Variants in FREM1 observed in about 807,000 individuals in gnomAD.
FREM1 encodes FRAS1-related extracellular matrix protein 1.
FREM1 carries 220 observed loss-of-function variants against 210.1 expected under a neutral mutation model. The observed-to-expected ratio is 1.05, with a 90% CI of 0.94 to 1.17. FREM1 has a LOEUF of 1.17. FREM1 is among the 50% of genes most tolerant of loss of function. FREM1 has a pLI of 0.00. For synonymous variants in FREM1, 1,189 were observed against 980.2 expected (o/e 1.21, Z -3.98); for missense variants, 3,454 against 2,675.5 (o/e 1.29, Z -6.42).
chr9:14,761,128 C>T (rs752533334), intron 27 of FREM1, among the ~76,000 whole-genome samples: 9 of 152,074 alleles, frequency 5.9e-5, no homozygotes, highest in Non-Finnish European at 1.0e-4. Flanking sequence ...CATGTGTTCA[C>T]ATATTTCACA....
Position 14,842,535 on chromosome 9 carries a change from G to T in FREM1, c.1519C>A (p.Arg507Ser), listed in dbSNP as rs369488195. ...AAGACGTTGATGGGGAATTTGTGAC[G>T]GATGCTGTGATGGCCATCAAATATC... The part of the protein sequence containing the change: ...FRIFDGHHSI[R>S]HKFPINVLPK... Residue 507 changes from arginine to serine, a missense_variant, in exon 9 of 37, where the codon CGT (arginine) becomes AGT (serine). Transcript: ENST00000380880. 6.2e-7 allele frequency: 1 copy of T among 1,613,942 alleles called. No individual in the cohort carries two copies. Among genetic ancestry groups the T allele is most frequent in the Non-Finnish European group, 8.5e-7 (1 of 1,179,830 alleles).
chr9:14,847,622 T>C (rs1229486029), intron 7 of FREM1, among the ~76,000 whole-genome samples: 6 of 152,150 alleles, frequency 3.9e-5, no homozygotes, highest in Non-Finnish European at 8.8e-5. Context: ...ATTGGTTATA[T>C]CTTCACGGCG....
chr9:14,808,102 T>C lies in FREM1; in HGVS notation c.2926A>G (p.Thr976Ala). ...CCATCCGAAACCACCAATGTAATGG[T>C]GTCAAAACAAGGCATCAGGCCAATC... Reference protein sequence around the residue: ...GEIGLMPCFDTITLVVSDGEA... With the variant: ...GEIGLMPCFDAITLVVSDGEA... The change falls in exon 17 of 37, where the codon ACC becomes GCC. Residue 976 changes from threonine to alanine, a missense_variant. Physicochemically the swap from Thr to Ala is moderately conservative, Grantham distance 58. Transcript: ENST00000380880. 1 of 1,610,524 alleles carries C rather than the reference T, an allele frequency of 6.2e-7. No individual in the cohort carries two copies. Among genetic ancestry groups the C allele is most frequent in the Non-Finnish European group, 8.5e-7 (1 of 1,177,966 alleles).
chr9:14,798,952 G>A (rs932256554), intron 20 of FREM1, among the ~76,000 whole-genome samples: 22 of 151,088 alleles, frequency 1.5e-4, no homozygotes, highest in Non-Finnish European at 3.2e-4. Flanking sequence ...GGGATTACAC[G>A]TGTGAACCAC....
chr9:14,756,094 A>AT, intron 29 of FREM1, among the ~76,000 whole-genome samples: 1 of 152,138 alleles, frequency 6.6e-6, no homozygotes. Context: ...AAGTGACTGT[A>AT]TTTTTTTCTG....
intron 27 of FREM1, among the ~76,000 whole-genome samples, chr9:14,769,326 G>A (rs1027784507): frequency 1.3e-5 from 2 of 152,086 alleles, no homozygotes; most frequent in Non-Finnish European, 2.9e-5. Context: ...TCATTTCCCC[G>A]ACTGCAGATA....
At chr9:14,871,433 T>G (rs1053263566) in intron 1 of FREM1, among the ~76,000 whole-genome samples, 3 of 152,164 alleles carry the variant, frequency 2.0e-5, no homozygotes, top group Admixed American at 2.0e-4. Flanking sequence ...TCATGTGTTA[T>G]TTGGCTGCAT....
At chr9:14,816,120 C>G (rs763207841) in intron 15 of FREM1, among the ~76,000 whole-genome samples, 1 of 152,110 alleles carries the variant, frequency 6.6e-6, no homozygotes, top group Non-Finnish European at 1.5e-5. Flanking sequence ...ACCTGCCCCA[C>G]TGCTAAACAA....
chr9:14,861,070 C>T (rs1345159223), intron 3 of FREM1, among the ~76,000 whole-genome samples: 2 of 50,240 alleles, frequency 4.0e-5, no homozygotes, highest in African/African-American at 2.2e-4. Flanking sequence ...TACACATATA[C>T]ATATATACAT....
Position 14,910,173 on chromosome 9 carries a change from T to A in FREM1, c.-527A>T, listed in dbSNP as rs1192646516. 1.3e-5 allele frequency: 2 copies of A among 152,286 alleles called. No individual in the cohort carries two copies. Among genetic ancestry groups the A allele is most frequent in the Admixed American group, 1.3e-4 (2 of 15,290 alleles). The allele number at this position is 152,286 out of a possible 1,614,324, so 9.4% of individuals were successfully genotyped here. A position where few individuals can be genotyped will look rare whatever the true frequency, so the allele number is the denominator to read the frequency against. ...CACATACACACTCCACTTTCTTTGC[T>A]GGTCTTCTCCAAGGCAGCTGCTGCA... On this transcript the variant is annotated 5_prime_UTR_variant, in exon 1 of 37. Transcript: ENST00000380880.
intron 10 of FREM1, among the ~76,000 whole-genome samples, chr9:14,826,412 C>T (rs1822469591): frequency 6.6e-6 from 1 of 152,098 alleles, no homozygotes; most frequent in Non-Finnish European, 1.5e-5. Flanking sequence ...CTTTTACTAC[C>T]TTTTAACATC....
intron 10 of FREM1, among the ~76,000 whole-genome samples, chr9:14,830,938 T>C (rs1823443521): frequency 6.6e-6 from 1 of 152,194 alleles, no homozygotes; most frequent in Non-Finnish European, 1.5e-5. Flanking sequence ...TTAAAATAAA[T>C]CAAATAACTC....
intron 20 of FREM1, among the ~76,000 whole-genome samples, chr9:14,799,406 C>A (rs1853093927): frequency 6.6e-6 from 1 of 151,964 alleles, no homozygotes; most frequent in African/African-American, 2.4e-5. Flanking sequence ...AAAAATGTAG[C>A]CATAAATGAA....
intron 35 of FREM1, among the ~76,000 whole-genome samples, chr9:14,745,113 G>A (rs1842186851): frequency 6.6e-6 from 1 of 152,118 alleles, no homozygotes; most frequent in African/African-American, 2.4e-5. Context: ...GGGTCTATTG[G>A]AGTTTGGAAA....
At position 14,870,361 on chromosome 9, in the gene FREM1, T is replaced by A. The variant is rs1038148564; in HGVS notation, c.-267-1117A>T. Reference sequence around the variant, plus strand: ...ACAGAGCAGCCTGTTTTTTATGGTATCAGTCCCAGAGTAAAACTGTTCTCA... The same window carrying A: ...ACAGAGCAGCCTGTTTTTTATGGTAACAGTCCCAGAGTAAAACTGTTCTCA... On this transcript the variant is annotated intron_variant, in intron 1 of 36. Transcript: ENST00000380880. Among the ~76,000 whole-genome samples, 10 of 152,332 alleles carry A rather than the reference T, an allele frequency of 6.6e-5. No individual in the cohort carries two copies. In the Middle Eastern group the frequency reaches 0.01, roughly 155 times the overall value.
intron 1 of FREM1, among the ~76,000 whole-genome samples, chr9:14,909,342 G>A (rs938994362): frequency 4.3e-5 from 6 of 141,080 alleles, no homozygotes; most frequent in Non-Finnish European, 7.7e-5. Context: ...GTACTGAGCA[G>A]AGAGAGCCTA....
At chr9:14,896,648 C>G (rs935744052) in intron 1 of FREM1, among the ~76,000 whole-genome samples, 23 of 152,134 alleles carry the variant, frequency 1.5e-4, no homozygotes, top group African/African-American at 5.5e-4. Flanking sequence ...CTCAGTGCTG[C>G]TCTGTCTATG....
At chr9:14,828,646 G>C (rs912004564) in intron 10 of FREM1, among the ~76,000 whole-genome samples, 3 of 147,178 alleles carry the variant, frequency 2.0e-5, no homozygotes, top group South Asian at 2.2e-4. Context: ...GGCGGGGCGG[G>C]GGAGGTGCCG....
At chr9:14,861,092 TATATAA>T (rs1391462613) in intron 3 of FREM1, among the ~76,000 whole-genome samples, 4 of 103,784 alleles carry the variant, frequency 3.9e-5, no homozygotes, top group East Asian at 3.0e-4. Flanking sequence ...TATACACATA[TATATAA>T]ACATATATAC....
Sources: allele counts gnomAD v4.1 joint callset (sites outside exome capture counted in the v4.1 genomes callset), GRCh38; gene constraint gnomAD v4.1.1; transcripts MANE v1.5; gene names NCBI Gene and HGNC (gene_info 2026-07-23, HGNC 2026-07-21).